DCDC1: variants seen among roughly 807,000 people sequenced by gnomAD.
DCDC1 encodes doublecortin domain-containing protein 1.
DCDC1 carries 200 observed loss-of-function variants against 178.3 expected under a neutral mutation model. That is an observed-to-expected ratio of 1.12 (90% CI 1.00 to 1.26). The LOEUF (loss-of-function observed/expected upper bound fraction) is 1.26, where lower values mean the gene tolerates loss of function less well. Ranked by LOEUF, DCDC1 falls within the 50% of genes most tolerant of loss-of-function variation. The probability of loss-of-function intolerance (pLI) is 0.00; values close to 1 mark genes in which losing one functional copy is unlikely to be tolerated. For synonymous variants in DCDC1, 690 were observed against 604.8 expected, an observed-to-expected ratio of 1.14 and a Z score of -2.07; for missense variants, 1,983 against 1,749.2, an observed-to-expected ratio of 1.13 and a Z score of -2.38.
At chr11:30,973,206 C>A (rs291144) in intron 20 of DCDC1, among the ~76,000 whole-genome samples, 88,713 of 148,284 alleles carry the variant, frequency 0.6, 27,120 homozygotes, top group African/African-American at 0.7. Context: ...GGGGAGGTGG[C>A]AGTTAAAGAG....
chr11:31,174,425 C>T (rs957663848), intron 9 of DCDC1, among the ~76,000 whole-genome samples: 2 of 152,290 alleles, frequency 1.3e-5, no homozygotes, highest in African/African-American at 4.8e-5. Flanking sequence ...AGATGGAGGC[C>T]AAGGGGGGTG....
intron 3 of DCDC1, among the ~76,000 whole-genome samples, chr11:31,309,533 A>G (rs1948647326): frequency 6.6e-6 from 1 of 152,162 alleles, no homozygotes; most frequent in Admixed American, 6.6e-5. Flanking sequence ...AAGCTCTTCA[A>G]CCTGGGGGAA....
chr11:31,212,572 A>T (rs900761433), intron 9 of DCDC1, among the ~76,000 whole-genome samples: 3 of 152,230 alleles, frequency 2.0e-5, no homozygotes, highest in African/African-American at 7.2e-5. Flanking sequence ...CTACAGAAAT[A>T]TATGTAACTT....
chr11:31,137,479 A>C (rs1348567982), intron 10 of DCDC1, among the ~76,000 whole-genome samples: 1 of 151,430 alleles, frequency 6.6e-6, no homozygotes. Flanking sequence ...CCTCCTGAGT[A>C]GCTGGGATTA....
intron 7 of DCDC1, among the ~76,000 whole-genome samples, chr11:31,290,004 G>A (rs944662486): frequency 2.6e-5 from 4 of 151,942 alleles, no homozygotes; most frequent in African/African-American, 9.7e-5. Flanking sequence ...ATGTATGTGT[G>A]TTTCAAATTC....
At chr11:31,172,791 G>C (rs1967418918) in intron 9 of DCDC1, among the ~76,000 whole-genome samples, 1 of 152,168 alleles carries the variant, frequency 6.6e-6, no homozygotes, top group African/African-American at 2.4e-5. Context: ...TCTTTAGCAA[G>C]CTGAGGAGGA....
Position 31,009,906 on chromosome 11 carries a change from A to G in DCDC1, c.2591+54563T>C, listed in dbSNP as rs537761857. Among the ~76,000 whole-genome samples the G allele has an allele frequency of 3.3e-5, 5 of 152,302 alleles. No individual in the cohort carries two copies. The South Asian group carries it at 1.0e-3, about 32-fold the overall frequency. ...CCTTCTTCACAAGGCGGCAGGACTG[A>G]GTGACTGACAAGCAAAGGGGGGAAA... On this transcript the variant is annotated intron_variant, in intron 20 of 38. Coordinates refer to ENST00000684477, the MANE Select transcript of DCDC1 (RefSeq NM_001387274.1).
intron 9 of DCDC1, among the ~76,000 whole-genome samples, chr11:31,150,367 T>G (rs552195949): frequency 6.6e-6 from 1 of 152,090 alleles, no homozygotes; most frequent in African/African-American, 2.4e-5. Flanking sequence ...CATGAAATAT[T>G]TAACAATGGG....
At chr11:31,366,506 CT>C (rs1301736598) in intron 1 of DCDC1, among the ~76,000 whole-genome samples, 1 of 152,140 alleles carries the variant, frequency 6.6e-6, no homozygotes, top group African/African-American at 2.4e-5. Flanking sequence ...GCAGTAAGTT[CT>C]AAGGACCAGG....
rs1021972131 is a variant in DCDC1 at position 31,065,791 on chromosome 11, A to G, written c.2299-638T>C. Among the ~76,000 whole-genome samples the G allele has an allele frequency of 3.3e-5, 5 of 152,316 alleles. No homozygotes were observed. In the East Asian group the frequency reaches 9.6e-4, roughly 29 times the overall value. The stretch of plus-strand genomic sequence containing the variant: ...TCATGAGGTCTTTAATTAGCCACCC[A>G]TTGTTGACTCTCATTTGGGATCTTC... On this transcript the variant is annotated intron_variant, in intron 18 of 38. Transcript: ENST00000684477.
chr11:31,331,999 C>CA (rs1440011370), intron 2 of DCDC1, among the ~76,000 whole-genome samples: 1 of 152,072 alleles, frequency 6.6e-6, no homozygotes, highest in East Asian at 1.9e-4. Context: ...ACTGTGAATC[C>CA]ATCTGGTCCT....
At chr11:31,129,155 CTA>C (rs1396821389) in intron 10 of DCDC1, among the ~76,000 whole-genome samples, 23 of 132,206 alleles carry the variant, frequency 1.7e-4, no homozygotes, top group Non-Finnish European at 3.5e-4. Context: ...CCAGTGTGCA[CTA>C]TTACTCATAT....
chr11:31,310,018 CT>C, intron 3 of DCDC1, among the ~76,000 whole-genome samples: 1 of 152,316 alleles, frequency 6.6e-6, no homozygotes, highest in Non-Finnish European at 1.5e-5. Context: ...GGTAACAGCA[CT>C]TGCATTCTTT....
At chr11:31,128,572 T>A (rs1377616550) in intron 10 of DCDC1, among the ~76,000 whole-genome samples, 1 of 152,194 alleles carries the variant, frequency 6.6e-6, no homozygotes, top group African/African-American at 2.4e-5. Context: ...CATCTGTGAT[T>A]CTTCAAATTA....
At chr11:31,053,251 GA>G (rs1955377964) in intron 20 of DCDC1, among the ~76,000 whole-genome samples, 1 of 151,978 alleles carries the variant, frequency 6.6e-6, no homozygotes, top group Non-Finnish European at 1.5e-5. Context: ...TAAATTCCTG[GA>G]AAAATACAAC....
intron 1 of DCDC1, among the ~76,000 whole-genome samples, chr11:31,368,997 C>T (rs1952125660): frequency 6.6e-6 from 1 of 152,130 alleles, no homozygotes; most frequent in Non-Finnish European, 1.5e-5. Flanking sequence ...CCCAACAGTG[C>T]CCATATGCAG....
At chr11:31,117,173 G>T (rs1960085526) in intron 11 of DCDC1, among the ~76,000 whole-genome samples, 1 of 152,042 alleles carries the variant, frequency 6.6e-6, no homozygotes, top group Non-Finnish European at 1.5e-5. Context: ...ATCCTCTAAG[G>T]CTGTGATTTT....
At chr11:30,907,763 C>A (rs1945167296) in intron 29 of DCDC1, among the ~76,000 whole-genome samples, 1 of 152,172 alleles carries the variant, frequency 6.6e-6, no homozygotes, top group Admixed American at 6.5e-5. Context: ...TGACCTGGGA[C>A]AAGACCAGCA....
chr11:31,355,177 G>A (rs1009424632), intron 1 of DCDC1, among the ~76,000 whole-genome samples: 1 of 152,166 alleles, frequency 6.6e-6, no homozygotes, highest in Non-Finnish European at 1.5e-5. Flanking sequence ...TGAAGAGTGT[G>A]AAGAATACCT....
Sources: gnomAD v4.1 joint callset for allele counts (sites outside exome capture counted in the v4.1 genomes callset) on GRCh38, gnomAD v4.1.1 for gene constraint, MANE v1.5 for transcripts, NCBI Gene and HGNC (gene_info 2026-07-23, HGNC 2026-07-21) for gene names.